The following FMNL2 variants were observed in gnomAD, a reference collection of about 807,000 sequenced individuals.
The protein encoded by FMNL2 is formin-like protein 2.
In FMNL2, 51 loss-of-function variants were observed where a neutral mutation model predicts 130.2. The observed-to-expected ratio is 0.39, with a 90% CI of 0.31 to 0.49. FMNL2 has a LOEUF of 0.49. Among genes scored for constraint, FMNL2 ranks in the 20% least tolerant of loss-of-function variants. FMNL2 has a pLI of 0.85. For missense variants in FMNL2, 977 were observed against 1,316.2 expected, an observed-to-expected ratio of 0.74 and a Z score of 3.99; for synonymous variants, 465 against 467.1, an observed-to-expected ratio of 1.00 and a Z score of 0.06.
intron 1 of FMNL2, among the ~76,000 whole-genome samples, chr2:152,431,724 G>A (rs1281119793): frequency 1.3e-5 from 2 of 152,130 alleles, no homozygotes; most frequent in African/African-American, 2.4e-5. Flanking sequence ...CCAGCACTTT[G>A]GGAGGCTGAG....
intron 1 of FMNL2, among the ~76,000 whole-genome samples, chr2:152,451,439 C>T (rs565398253): frequency 3.7e-4 from 57 of 152,124 alleles, no homozygotes; most frequent in Non-Finnish European, 5.9e-4. Flanking sequence ...TGAGCTACTG[C>T]ACCCTGCCTG....
intron 1 of FMNL2, among the ~76,000 whole-genome samples, chr2:152,459,826 A>T (rs1180167668): frequency 6.6e-6 from 1 of 152,210 alleles, no homozygotes; most frequent in East Asian, 1.9e-4. Context: ...GCAAAAGAAA[A>T]AATACATAAA....
intron 3 of FMNL2, among the ~76,000 whole-genome samples, chr2:152,547,759 G>A (rs1694722740): frequency 6.6e-6 from 1 of 152,214 alleles, no homozygotes; most frequent in African/African-American, 2.4e-5. Flanking sequence ...TGTGGCAGCA[G>A]AGGAGAGAGG....
In FMNL2 at chr2:152,559,946, T is replaced by C. The variant is rs552507645; in HGVS notation, c.444-937T>C. ...CTGATTAGTCTTTTATAGGTGAAAGTCATCACCAATTTTCAGATGAAGGTT... is the reference window on the plus strand; with the variant it reads ...CTGATTAGTCTTTTATAGGTGAAAGCCATCACCAATTTTCAGATGAAGGTT... On this transcript the variant is annotated intron_variant, in intron 5 of 25. Transcript: ENST00000288670. Among the ~76,000 whole-genome samples the C allele has an allele frequency of 3.3e-5, 5 of 152,348 alleles. No homozygotes were observed. In the South Asian group the frequency reaches 1.0e-3, roughly 32 times the overall value.
rs78232945 is a variant in FMNL2, at chr2:152,360,164, A to G, written c.117+24444A>G. On this transcript the variant is annotated intron_variant, in intron 1 of 25. Transcript: ENST00000288670. ...AATAAAGGGGGTTTTCGAAGCCACAAACCGCATCTTTGCTCTTCAGATGTA... is the reference window on the plus strand; with the variant it reads ...AATAAAGGGGGTTTTCGAAGCCACAGACCGCATCTTTGCTCTTCAGATGTA... 7.4e-3 allele frequency among the ~76,000 whole-genome samples: 1,126 copies of G among 152,348 alleles called. 18 individuals carry two copies. The highest frequency in any genetic ancestry group is 0.026 in the African/African-American group (1,061 of 41,582).
intron 1 of FMNL2, among the ~76,000 whole-genome samples, chr2:152,469,981 A>T (rs1229237189): frequency 6.6e-6 from 1 of 152,170 alleles, no homozygotes; most frequent in Non-Finnish European, 1.5e-5. Flanking sequence ...AATGAGGGTA[A>T]TTTATTCCTA....
In FMNL2 at chr2:152,648,624, A is replaced by G. The variant is rs1422851018; in HGVS notation, c.*719A>G. The G allele has an allele frequency of 6.6e-6, 1 of 152,630 alleles. No homozygotes were observed. Among genetic ancestry groups the G allele is most frequent in the East Asian group, 1.9e-4 (1 of 5,202 alleles). The allele number at this position is 152,630 out of a possible 1,614,324, so 9.5% of individuals were successfully genotyped here. ...TAATGCAAGTGTATTTATTAGCATT[A>G]AAATTAACATCTCAGTAATCAGCAT... On this transcript the variant is annotated 3_prime_UTR_variant, in exon 26 of 26. Transcript: ENST00000288670.
chr2:152,606,981 G>T (rs1698392250), intron 9 of FMNL2, among the ~76,000 whole-genome samples: 1 of 147,340 alleles, frequency 6.8e-6, no homozygotes, highest in African/African-American at 2.5e-5. Context: ...TTTACAAAAG[G>T]AAGCTATGGT....
chr2:152,557,811 T>C (rs913625465), intron 4 of FMNL2, among the ~76,000 whole-genome samples: 2 of 152,226 alleles, frequency 1.3e-5, no homozygotes, highest in African/African-American at 2.4e-5. Flanking sequence ...CATTGTGGAA[T>C]GCAGGTGGCA....
intron 1 of FMNL2, among the ~76,000 whole-genome samples, chr2:152,510,217 A>C (rs550684741): frequency 6.6e-6 from 1 of 152,334 alleles, no homozygotes; most frequent in Non-Finnish European, 1.5e-5. Flanking sequence ...AAGATCTTGG[A>C]GCAGAATGCC....
intron 15 of FMNL2, among the ~76,000 whole-genome samples, chr2:152,622,825 T>TC (rs1469139129): frequency 5.9e-5 from 9 of 151,274 alleles, no homozygotes; most frequent in South Asian, 4.2e-4. Flanking sequence ...TTTTTTTTTT[T>TC]TTCTTCTTCT....
intron 20 of FMNL2, 97 bp from the exon 21 acceptor site, chr2:152,631,911 T>C: frequency 7.4e-7 from 1 of 1,352,270 alleles, no homozygotes. Context: ...CGACTGTTAC[T>C]CAGTTAATGA....
chr2:152,599,405 CTTTTTT>C (rs35753197), intron 9 of FMNL2, among the ~76,000 whole-genome samples: 246 of 45,052 alleles, frequency 5.5e-3, no homozygotes, highest in Non-Finnish European at 8.2e-3. Context: ...TGAAGGTCAT[CTTTTTT>C]TTTTTTTTTT....
chr2:152,563,563 A>C (rs527267546), intron 6 of FMNL2, among the ~76,000 whole-genome samples: 18 of 152,306 alleles, frequency 1.2e-4, no homozygotes, highest in Admixed American at 1.2e-3. Context: ...AGCAATCAGA[A>C]GTACAGGCAT....
rs561797746 is a variant in FMNL2, at chr2:152,386,289, A to C, written c.117+50569A>C. ...CCTTTCACTGTAATCCCGGGTGCACACTTGGATTCTTGATCTGTAAGTGGG... is the reference window on the plus strand; with the variant it reads ...CCTTTCACTGTAATCCCGGGTGCACCCTTGGATTCTTGATCTGTAAGTGGG... On this transcript the variant is annotated intron_variant, in intron 1 of 25. Coordinates refer to ENST00000288670, the MANE Select transcript of FMNL2 (RefSeq NM_052905.4). 2.0e-5 allele frequency among the ~76,000 whole-genome samples: 3 copies of C among 152,324 alleles called. No individual in the cohort carries two copies. The East Asian group carries it at 5.8e-4, about 29-fold the overall frequency.
Position 152,367,487 on chromosome 2 carries a change from A to G in FMNL2, c.117+31767A>G, listed in dbSNP as rs114920708. Among the ~76,000 whole-genome samples, 1,103 of 152,288 alleles carry G rather than the reference A, an allele frequency of 7.2e-3. 17 individuals are homozygous for G. Among genetic ancestry groups the G allele is most frequent in the African/African-American group, 0.025 (1,031 of 41,562 alleles). On this transcript the variant is annotated intron_variant, in intron 1 of 25. Transcript: ENST00000288670. The stretch of plus-strand genomic sequence containing the variant: ...ATGCTTTTGCACTGAAATGTTTGAT[A>G]TTTTAGTTGACAGCGTTCTTAAGCA...
chr2:152,572,816 G>A (rs1290590644), intron 6 of FMNL2, among the ~76,000 whole-genome samples: 1 of 149,208 alleles, frequency 6.7e-6, no homozygotes, highest in Non-Finnish European at 1.5e-5. Flanking sequence ...TTTTAAAGTA[G>A]TCATTTACTC....
intron 1 of FMNL2, among the ~76,000 whole-genome samples, chr2:152,434,310 G>T (rs1553456324): frequency 6.6e-6 from 1 of 152,082 alleles, no homozygotes; most frequent in Non-Finnish European, 1.5e-5. Flanking sequence ...ACAAATGGCA[G>T]GGGGTATGGA....
intron 15 of FMNL2, 120 bp downstream of exon 15, chr2:152,619,838 T>C: frequency 1.4e-6 from 2 of 1,480,888 alleles, no homozygotes; most frequent in Non-Finnish European, 1.8e-6. Flanking sequence ...CTTCCTAGTA[T>C]AAGAAATTCC....
Sources: allele counts gnomAD v4.1 joint callset (sites outside exome capture counted in the v4.1 genomes callset), GRCh38; gene constraint gnomAD v4.1.1; transcripts MANE v1.5; gene names NCBI Gene and HGNC (gene_info 2026-07-23, HGNC 2026-07-21).